The following TOR1AIP1 variants were observed in gnomAD, a reference collection of about 807,000 sequenced individuals.
TOR1AIP1 encodes torsin-1A-interacting protein 1.
A neutral mutation model predicts 63.3 loss-of-function variants in TOR1AIP1; 54 were observed. The observed-to-expected ratio is 0.85, with a 90% CI of 0.69 to 1.07. TOR1AIP1 has a LOEUF of 1.07. TOR1AIP1 is among the 50% of genes least tolerant of loss of function. TOR1AIP1 has a pLI of 0.00. For synonymous variants in TOR1AIP1, 294 were observed against 273.5 expected (o/e 1.07, Z -0.74); for missense variants, 736 against 715.0 (o/e 1.03, Z -0.33).
chr1:179,907,694 G>A, intron 6 of TOR1AIP1, 129 bp from the exon 7 acceptor site: 1 of 396,970 alleles, frequency 2.5e-6, no homozygotes, highest in South Asian at 4.8e-5. Context: ...GCTTGGAATT[G>A]ATGAGAGAAT....
intron 3 of TOR1AIP1, among the ~76,000 whole-genome samples, chr1:179,892,335 G>A (rs191910324): frequency 3.5e-5 from 1 of 28,620 alleles, no homozygotes; most frequent in Non-Finnish European, 8.4e-5. Flanking sequence ...GCCAGGCGTG[G>A]TGGTGCTGTG....
chr1:179,882,905 T>C lies in TOR1AIP1; in HGVS notation c.403T>C (p.Ser135Pro). 6.2e-7 allele frequency: 1 copy of C among 1,613,988 alleles called. No individual in the cohort carries two copies. The highest frequency in any genetic ancestry group is 8.5e-7 in the Non-Finnish European group (1 of 1,179,996). The change falls in exon 1 of 10, where the codon TCA becomes CCA. Residue 135 changes from serine (S) to proline (P), a missense_variant. By Grantham distance (74) the Ser-to-Pro change is moderately conservative. Around this residue, in one of 2 missense-constraint regions of TOR1AIP1, gnomAD observed 464 missense variants for 371.0 expected, o/e 1.25. Coordinates refer to ENST00000606911, the MANE Select transcript of TOR1AIP1 (RefSeq NM_015602.4). ...RRTTRLQQQH[S>P]EQPPLQPSPV... ...GACTACCCGCCTTCAGCAGCAGCACTCAGAGCAGCCTCCGCTACAGCCGTC... is the reference window on the plus strand; with the variant it reads ...GACTACCCGCCTTCAGCAGCAGCACCCAGAGCAGCCTCCGCTACAGCCGTC...
At chr1:179,913,376 A>T (rs1648899185) in intron 8 of TOR1AIP1, among the ~76,000 whole-genome samples, 1 of 152,196 alleles carries the variant, frequency 6.6e-6, no homozygotes, top group Non-Finnish European at 1.5e-5. Context: ...TTACTTTATT[A>T]CTTGTCTATT....
intron 7 of TOR1AIP1, among the ~76,000 whole-genome samples, chr1:179,908,200 A>G (rs1302822959): frequency 6.6e-6 from 1 of 151,954 alleles, no homozygotes; most frequent in African/African-American, 2.4e-5. Context: ...GAGCCACCGC[A>G]CCCAGCCTCA....
intron 1 of TOR1AIP1, 56 bp downstream of exon 1, chr1:179,883,033 G>GGCGC: frequency 6.6e-7 from 1 of 1,518,514 alleles, no homozygotes. Flanking sequence ...CGCGGGGGCG[G>GGCGC]GCGCGCGCCT....
At chr1:179,913,491 TAGTG>T (rs1648901600) in intron 8 of TOR1AIP1, 2 of 685,410 alleles carry the variant, frequency 2.9e-6, no homozygotes, top group Non-Finnish European at 5.3e-6. Flanking sequence ...AGGTAGAAAA[TAGTG>T]AGGATTAAGA....
Position 179,901,392 on chromosome 1 carries a change from A to G in TOR1AIP1, c.739+4A>G. 6.4e-7 allele frequency: 1 copy of G among 1,568,998 alleles called. No homozygotes were observed. The highest frequency in any genetic ancestry group is 8.7e-7 in the Non-Finnish European group (1 of 1,145,652). The stretch of plus-strand genomic sequence containing the variant: ...AGGGATTCTGATGAATCTGGAGGTA[A>G]TATTGCTTTATATACATATGACTCT... On this transcript the variant is annotated splice_donor_region_variant and intron_variant, in intron 5 of 9. Coordinates refer to ENST00000606911, the MANE Select transcript of TOR1AIP1 (RefSeq NM_015602.4).
In TOR1AIP1 at chr1:179,882,816, A is replaced by T. The variant is rs1224663338; in HGVS notation, c.314A>T (p.Tyr105Phe). Residue 105 changes from tyrosine (Y) to phenylalanine (F), a missense_variant, in exon 1 of 10, where the codon TAC becomes TTC. Coordinates refer to ENST00000606911, the MANE Select transcript of TOR1AIP1 (RefSeq NM_015602.4). ...AKEEVRESAYYLRSRQRRQPR... is the reference protein window; with the variant it reads ...AKEEVRESAYFLRSRQRRQPR... Reference sequence around the variant, plus strand: ...GAGGAAGTGAGAGAAAGCGCGTACTACCTTCGGTCTAGGCAGCGGAGGCAG... The same window carrying T: ...GAGGAAGTGAGAGAAAGCGCGTACTTCCTTCGGTCTAGGCAGCGGAGGCAG... The T allele has an allele frequency of 1.2e-6, 2 of 1,613,994 alleles. No individual in the cohort carries two copies. Among genetic ancestry groups the T allele is most frequent in the East Asian group, 2.2e-5 (1 of 44,874 alleles).
At chr1:179,905,236 G>A (rs1446994510) in intron 6 of TOR1AIP1, among the ~76,000 whole-genome samples, 8 of 152,076 alleles carry the variant, frequency 5.3e-5, no homozygotes, top group South Asian at 4.1e-4. Flanking sequence ...TTAGCTGGGC[G>A]TGGTGGCGCG....
intron 4 of TOR1AIP1, 47 bp from the exon 5 acceptor site, chr1:179,901,255 T>G: frequency 7.8e-7 from 1 of 1,274,396 alleles, no homozygotes. Context: ...TCAGATCTTC[T>G]GAGCATTAAA....
chr1:179,892,070 A>G (rs1414606229), intron 3 of TOR1AIP1, among the ~76,000 whole-genome samples: 1 of 152,210 alleles, frequency 6.6e-6, no homozygotes, highest in Non-Finnish European at 1.5e-5. Context: ...TATTTTCTAA[A>G]TTTGAAGATG....
At chr1:179,891,278 G>A (rs7549317) in intron 3 of TOR1AIP1, among the ~76,000 whole-genome samples, 19,017 of 152,050 alleles carry the variant, frequency 0.13, 1,236 homozygotes, top group Middle Eastern at 0.2. Context: ...CTGTAGTACC[G>A]TGGTGCGATC....
At chr1:179,906,729 G>T (rs1317698826) in intron 6 of TOR1AIP1, among the ~76,000 whole-genome samples, 33 of 108,050 alleles carry the variant, frequency 3.1e-4, no homozygotes, top group Middle Eastern at 6.8e-3. Flanking sequence ...TACCAATTTT[G>T]GTTCCCCCCC....
intron 6 of TOR1AIP1, among the ~76,000 whole-genome samples, chr1:179,905,970 A>G (rs1648622997): frequency 6.6e-6 from 1 of 152,146 alleles, no homozygotes; most frequent in Non-Finnish European, 1.5e-5. Flanking sequence ...AAGAAATACT[A>G]TTTAGAAATG....
intron 8 of TOR1AIP1, among the ~76,000 whole-genome samples, chr1:179,909,781 G>T (rs909936080): frequency 7.9e-5 from 12 of 151,682 alleles, no homozygotes; most frequent in Non-Finnish European, 1.2e-4. Flanking sequence ...GGTTTTTTTT[G>T]AGATGAAGTC....
chr1:179,885,213 T>C (rs1164078954), intron 2 of TOR1AIP1, among the ~76,000 whole-genome samples: 2 of 152,264 alleles, frequency 1.3e-5, no homozygotes, highest in African/African-American at 4.8e-5. Context: ...TTCAGTTTAA[T>C]ACTGTGGTTT....
chr1:179,907,609 A>AG (rs2148479835), intron 6 of TOR1AIP1, among the ~76,000 whole-genome samples: 1 of 23,398 alleles, frequency 4.3e-5, no homozygotes, highest in South Asian at 2.1e-3. Context: ...ATATATATAT[A>AG]TATATATATG....
At chr1:179,892,627 A>G (rs1164307843) in intron 3 of TOR1AIP1, among the ~76,000 whole-genome samples, 1 of 150,582 alleles carries the variant, frequency 6.6e-6, no homozygotes, top group Non-Finnish European at 1.5e-5. Context: ...AGTCCCAGCT[A>G]CTTGGGAGGC....
At chr1:179,914,677 C>G (rs1258870177) in intron 9 of TOR1AIP1, among the ~76,000 whole-genome samples, 1 of 152,078 alleles carries the variant, frequency 6.6e-6, no homozygotes, top group Non-Finnish European at 1.5e-5. Context: ...GCCTGTTGTC[C>G]CACCTACTCA....
Sources: gnomAD v4.1 joint callset for allele counts (sites outside exome capture counted in the v4.1 genomes callset) on GRCh38, gnomAD v4.1.1 for gene constraint, gnomAD v4.1.1 regional missense constraint, MANE v1.5 for transcripts, NCBI Gene and HGNC (gene_info 2026-07-23, HGNC 2026-07-21) for gene names.